Variants in TTLL11 observed in about 807,000 individuals in gnomAD.
The protein encoded by TTLL11 is tubulin tyrosine ligase like 11.
A neutral mutation model predicts 51.7 loss-of-function variants in TTLL11; 42 were observed. The observed-to-expected ratio is 0.81, with a 90% CI of 0.64 to 1.05. The LOEUF is 1.05. Ranked by LOEUF, TTLL11 falls within the 50% of genes least tolerant of loss-of-function variation. The pLI is 0.00. For synonymous variants in TTLL11, 381 were observed against 383.5 expected (o/e 0.99, Z 0.08); for missense variants, 799 against 940.4 (o/e 0.85, Z 1.97).
chr9:121,859,792 C>T (rs1165238734), intron 8 of TTLL11, among the ~76,000 whole-genome samples: 2 of 152,230 alleles, frequency 1.3e-5, no homozygotes, highest in African/African-American at 4.8e-5. Flanking sequence ...AATAGCCCTG[C>T]CAGAGTGTCT....
rs867300416 is a variant in TTLL11 at position 121,899,365 on chromosome 9, G to A, written c.1482-28617C>T. On this transcript the variant is annotated intron_variant, in intron 6 of 8. Transcript: ENST00000321582. ...TCTGTGTGTGTGTGTATGTGTGTGT[G>A]TATATATATATACATATATATATAT... is the stretch of plus-strand genomic sequence containing the variant. Among the ~76,000 whole-genome samples, 1,096 of 113,196 alleles carry A rather than the reference G, an allele frequency of 9.7e-3. 17 individuals carry two copies. Among genetic ancestry groups the A allele is most frequent in the African/African-American group, 0.034 (1,048 of 30,392 alleles). The allele number at this position is 113,196 out of a possible 152,430, so 74.3% of individuals were successfully genotyped here.
At chr9:122,012,571 G>A (rs776273129) in intron 3 of TTLL11, among the ~76,000 whole-genome samples, 3 of 151,986 alleles carry the variant, frequency 2.0e-5, no homozygotes, top group Admixed American at 2.0e-4. Context: ...TGTATTGGGG[G>A]CAAATTGAAG....
At chr9:122,072,365 C>T (rs1262977016) in intron 1 of TTLL11, among the ~76,000 whole-genome samples, 2 of 152,118 alleles carry the variant, frequency 1.3e-5, no homozygotes, top group Non-Finnish European at 2.9e-5. Context: ...AGCAGTCAGC[C>T]AGGTGCGGTG....
intron 6 of TTLL11, among the ~76,000 whole-genome samples, chr9:121,958,692 T>C (rs1478665124): frequency 2.0e-5 from 3 of 152,178 alleles, no homozygotes; most frequent in Non-Finnish European, 4.4e-5. Flanking sequence ...TGAAATGCCA[T>C]GTGGTTTGAG....
intron 6 of TTLL11, among the ~76,000 whole-genome samples, chr9:121,951,790 C>G (rs996449014): frequency 2.0e-5 from 3 of 152,212 alleles, no homozygotes; most frequent in Non-Finnish European, 2.9e-5. Flanking sequence ...AAAAGAACGG[C>G]TACTCCATAG....
intron 6 of TTLL11, among the ~76,000 whole-genome samples, chr9:121,887,809 G>A (rs1156653185): frequency 4.6e-5 from 7 of 152,136 alleles, no homozygotes; most frequent in East Asian, 1.9e-4. Flanking sequence ...GGGGAGGAGT[G>A]GGATGTGAGC....
At chr9:122,041,010 T>G (rs946371932) in intron 1 of TTLL11, among the ~76,000 whole-genome samples, 1 of 152,228 alleles carries the variant, frequency 6.6e-6, no homozygotes, top group African/African-American at 2.4e-5. Flanking sequence ...TTTGCTTTGT[T>G]GCCCACAATG....
At chr9:122,017,350 T>A (rs918059903) in intron 3 of TTLL11, among the ~76,000 whole-genome samples, 2 of 152,182 alleles carry the variant, frequency 1.3e-5, no homozygotes, top group African/African-American at 4.8e-5. Flanking sequence ...TTGAGATATC[T>A]ATCCAAAGGA....
At chr9:121,971,746 G>GAA (rs768215225) in intron 6 of TTLL11, among the ~76,000 whole-genome samples, 28 of 97,888 alleles carry the variant, frequency 2.9e-4, no homozygotes, top group African/African-American at 7.7e-4. Context: ...TCTGCCTTGG[G>GAA]AAAAAAAAAA....
chr9:121,977,226 T>C (rs1177014773), intron 4 of TTLL11, among the ~76,000 whole-genome samples: 1 of 152,170 alleles, frequency 6.6e-6, no homozygotes, highest in Non-Finnish European at 1.5e-5. Context: ...GGGTCTTGTA[T>C]AGGAATGCTT....
chr9:121,906,933 C>A (rs968894237), intron 6 of TTLL11, among the ~76,000 whole-genome samples: 1 of 152,034 alleles, frequency 6.6e-6, no homozygotes, highest in Non-Finnish European at 1.5e-5. Context: ...TTTGGCCGGG[C>A]ACGGTGGCTC....
intron 6 of TTLL11, among the ~76,000 whole-genome samples, chr9:121,882,004 T>C (rs1435135977): frequency 2.0e-5 from 3 of 152,168 alleles, no homozygotes; most frequent in African/African-American, 2.4e-5. Flanking sequence ...ATCTGTATAA[T>C]AGGGATAATA....
At chr9:121,996,976 A>T (rs1404782466) in intron 3 of TTLL11, among the ~76,000 whole-genome samples, 3 of 152,174 alleles carry the variant, frequency 2.0e-5, no homozygotes, top group Non-Finnish European at 2.9e-5. Context: ...TTCTTTGAAG[A>T]TGTTCTCAAG....
chr9:121,945,554 A>G (rs1841632183), intron 6 of TTLL11, among the ~76,000 whole-genome samples: 1 of 152,166 alleles, frequency 6.6e-6, no homozygotes, highest in Non-Finnish European at 1.5e-5. Context: ...GGGCAGATCT[A>G]AAGCTCCTTA....
chr9:121,827,611 C>T (rs535382626), intron 8 of TTLL11, among the ~76,000 whole-genome samples: 8 of 152,290 alleles, frequency 5.3e-5, no homozygotes, highest in East Asian at 3.9e-4. Context: ...TGGGGGGACG[C>T]GGGGATGCCC....
chr9:121,934,067 T>C (rs1044502679), intron 6 of TTLL11, among the ~76,000 whole-genome samples: 2 of 152,036 alleles, frequency 1.3e-5, no homozygotes, highest in African/African-American at 4.8e-5. Context: ...CTGTCTCTAC[T>C]AAAAATACAA....
intron 8 of TTLL11, among the ~76,000 whole-genome samples, chr9:121,855,395 T>C (rs1358952061): frequency 6.6e-6 from 1 of 152,252 alleles, no homozygotes; most frequent in African/African-American, 2.4e-5. Flanking sequence ...CACTAGTTTT[T>C]ATTTTTTTCC....
intron 1 of TTLL11, among the ~76,000 whole-genome samples, chr9:122,074,715 T>C (rs1845813714): frequency 1.4e-5 from 2 of 143,626 alleles, no homozygotes; most frequent in South Asian, 4.4e-4. Flanking sequence ...ACCTGGGCAA[T>C]ACAATAAGAC....
intron 6 of TTLL11, among the ~76,000 whole-genome samples, chr9:121,939,745 C>T (rs184158216): frequency 1.4e-3 from 208 of 152,210 alleles, no homozygotes; most frequent in Middle Eastern, 3.4e-3. Flanking sequence ...ACTTCAGACC[C>T]CAGCACTGAG....
Sources: allele counts gnomAD v4.1 joint callset (sites outside exome capture counted in the v4.1 genomes callset), GRCh38; gene constraint gnomAD v4.1.1; transcripts MANE v1.5; gene names NCBI Gene and HGNC (gene_info 2026-07-23, HGNC 2026-07-21).